The following NRG3 variants were observed in gnomAD, a reference collection of about 807,000 sequenced individuals.
The protein encoded by NRG3 is pro-neuregulin-3, membrane-bound isoform.
A neutral mutation model predicts 66.9 loss-of-function variants in NRG3; 31 were observed. The observed-to-expected ratio is 0.46, with a 90% CI of 0.35 to 0.63. NRG3 has a LOEUF of 0.63. Ranked by LOEUF, NRG3 falls within the 20% of genes least tolerant of loss-of-function variation. The pLI, the probability that NRG3 is intolerant of heterozygous loss-of-function variation, is 0.00. For missense variants in NRG3, 910 were observed against 878.9 expected (o/e 1.04, Z -0.45); for synonymous variants, 393 against 359.4 (o/e 1.09, Z -1.06).
intron 3 of NRG3, among the ~76,000 whole-genome samples, chr10:82,754,389 C>G (rs1440833654): frequency 1.3e-5 from 2 of 151,812 alleles, no homozygotes; most frequent in Non-Finnish European, 2.9e-5. Flanking sequence ...TTTATGAACT[C>G]ATTTCTGTCT....
intron 1 of NRG3, chr10:82,232,861 A>C (rs1236237696): frequency 5.6e-6 from 4 of 716,956 alleles, no homozygotes; most frequent in South Asian, 1.5e-5. Flanking sequence ...TTCTGAGAGA[A>C]GGGTAAGGCA....
At chr10:82,660,196 C>CAAAAAAAAAAAAAAAA (rs58870828) in intron 2 of NRG3, among the ~76,000 whole-genome samples, 11 of 19,562 alleles carry the variant, frequency 5.6e-4, no homozygotes, top group East Asian at 1.4e-3. Flanking sequence ...AACTCCCTCT[C>CAAAAAAAAAAAAAAAA]AAAAAAAAAA....
At chr10:82,405,798 G>A (rs936788905) in intron 2 of NRG3, among the ~76,000 whole-genome samples, 1 of 152,164 alleles carries the variant, frequency 6.6e-6, no homozygotes, top group East Asian at 1.9e-4. Context: ...TGCTTAGAAA[G>A]ATTATTAAAA....
At chr10:82,690,304 A>G (rs1259586208) in intron 2 of NRG3, among the ~76,000 whole-genome samples, 3 of 148,270 alleles carry the variant, frequency 2.0e-5, no homozygotes, top group Middle Eastern at 3.2e-3. Flanking sequence ...ATTTCTTTTC[A>G]CTTCACAGGA....
intron 5 of NRG3, among the ~76,000 whole-genome samples, chr10:82,954,041 C>T (rs4341481): frequency 0.5 from 74,952 of 151,220 alleles, 19,074 homozygotes; most frequent in Middle Eastern, 0.6. Flanking sequence ...GGCTTGCTGT[C>T]GTTAACACCC....
chr10:82,348,100 T>A (rs565702955), intron 1 of NRG3, among the ~76,000 whole-genome samples: 110 of 150,948 alleles, frequency 7.3e-4, no homozygotes, highest in Non-Finnish European at 1.3e-3. Flanking sequence ...GTGAATTTGA[T>A]CCTGTCATTA....
At chr10:81,973,259 A>G (rs189694697) in intron 1 of NRG3, among the ~76,000 whole-genome samples, 2 of 152,222 alleles carry the variant, frequency 1.3e-5, no homozygotes, top group Admixed American at 6.5e-5. Flanking sequence ...TAATAGTTGT[A>G]TAACATTCCA....
chr10:82,739,911 G>C (rs1024591598), intron 3 of NRG3, among the ~76,000 whole-genome samples: 1 of 152,152 alleles, frequency 6.6e-6, no homozygotes, highest in Non-Finnish European at 1.5e-5. Flanking sequence ...GCCTCTGAAA[G>C]GGTATTCATG....
intron 2 of NRG3, among the ~76,000 whole-genome samples, chr10:82,394,347 A>G (rs1476116197): frequency 2.0e-5 from 3 of 152,218 alleles, no homozygotes; most frequent in Non-Finnish European, 4.4e-5. Flanking sequence ...GCAGGCTGCC[A>G]AAGCAAAGCT....
At chr10:82,562,571 G>T (rs2045123234) in intron 2 of NRG3, among the ~76,000 whole-genome samples, 1 of 152,188 alleles carries the variant, frequency 6.6e-6, no homozygotes, top group African/African-American at 2.4e-5. Flanking sequence ...GTCATTTGCA[G>T]ATAGTCACTA....
At chr10:82,071,857 T>G (rs1431387893) in intron 1 of NRG3, among the ~76,000 whole-genome samples, 1 of 152,168 alleles carries the variant, frequency 6.6e-6, no homozygotes, top group Admixed American at 6.5e-5. Flanking sequence ...GTGGAGATAG[T>G]AGGGAAGGGT....
At chr10:82,261,155 T>A (rs891669059) in intron 1 of NRG3, among the ~76,000 whole-genome samples, 1 of 152,156 alleles carries the variant, frequency 6.6e-6, no homozygotes, top group Non-Finnish European at 1.5e-5. Context: ...AATCCCCACA[T>A]GTCAAGGGAG....
intron 2 of NRG3, among the ~76,000 whole-genome samples, chr10:82,674,725 A>C (rs567816947): frequency 6.6e-6 from 1 of 152,162 alleles, no homozygotes; most frequent in East Asian, 1.9e-4. Flanking sequence ...GAAGTCTCAG[A>C]TCTCTCAGAT....
chr10:82,245,911 T>C (rs2077215256), intron 1 of NRG3, among the ~76,000 whole-genome samples: 1 of 151,950 alleles, frequency 6.6e-6, no homozygotes, highest in African/African-American at 2.4e-5. Context: ...TATCCTACTT[T>C]ACACTTTGAA....
At chr10:82,000,926 A>G (rs1006511085) in intron 1 of NRG3, among the ~76,000 whole-genome samples, 1 of 152,180 alleles carries the variant, frequency 6.6e-6, no homozygotes, top group African/African-American at 2.4e-5. Flanking sequence ...AAATAATTTT[A>G]TTCAATTTAT....
intron 4 of NRG3, among the ~76,000 whole-genome samples, chr10:82,923,790 C>T (rs1001180404): frequency 6.6e-6 from 1 of 152,000 alleles, no homozygotes; most frequent in Admixed American, 6.6e-5. Context: ...CCCCCCTCCT[C>T]CTTCTACCTG....
intron 1 of NRG3, among the ~76,000 whole-genome samples, chr10:82,328,129 C>T (rs1021950438): frequency 1.2e-4 from 19 of 152,164 alleles, no homozygotes; most frequent in Non-Finnish European, 2.5e-4. Flanking sequence ...GGTGTTTACA[C>T]AGAATTTGTC....
intron 1 of NRG3, among the ~76,000 whole-genome samples, chr10:81,998,957 C>T (rs1235879697): frequency 1.3e-5 from 2 of 152,114 alleles, no homozygotes; most frequent in African/African-American, 2.4e-5. Flanking sequence ...GCTGGGATTA[C>T]AGGCGCCCAC....
At chr10:82,762,264 A>C (rs1234930427) in intron 3 of NRG3, among the ~76,000 whole-genome samples, 2 of 152,094 alleles carry the variant, frequency 1.3e-5, no homozygotes, top group Non-Finnish European at 2.9e-5. Flanking sequence ...CTGGGATTAC[A>C]GGCATGAGCC....
Sources: gnomAD v4.1 joint callset for allele counts (sites outside exome capture counted in the v4.1 genomes callset) on GRCh38, gnomAD v4.1.1 for gene constraint, MANE v1.5 for transcripts, NCBI Gene and HGNC (gene_info 2026-07-23, HGNC 2026-07-21) for gene names.